Variants in SMYD1 observed in about 807,000 individuals in gnomAD.
SMYD1 encodes histone-lysine N-methyltransferase SMYD1.
SMYD1 carries 49 observed loss-of-function variants against 54.0 expected under a neutral mutation model. The observed-to-expected ratio is 0.91, with a 90% CI of 0.72 to 1.15. The LOEUF is 1.15. Ranked by LOEUF, SMYD1 falls within the 50% of genes most tolerant of loss-of-function variation. SMYD1 has a pLI of 0.00. For missense variants in SMYD1, 653 were observed against 639.6 expected (o/e 1.02, Z -0.23); for synonymous variants, 269 against 234.2 (o/e 1.15, Z -1.36).
chr2:88,096,769 GA>G lies in SMYD1; in HGVS notation c.876del (p.Asp293ThrfsTer10). Reference sequence around the variant, plus strand: ...TGAAGGATGACCTCTTCCTGGGGGTGAAAGACAACCCCAAGGTACACACAGC... The same window carrying G: ...TGAAGGATGACCTCTTCCTGGGGGTGAAGACAACCCCAAGGTACACACAGC... ...KLKDDLFLGV[K>X]DNPKPSQEVV... On this transcript the variant is annotated frameshift_variant, in exon 6 of 10. Transcript: ENST00000419482. LOFTEE classifies it high-confidence loss of function. 6.2e-7 allele frequency: 1 copy of G among 1,613,490 alleles called. No individual in the cohort carries two copies. Among genetic ancestry groups the G allele is most frequent in the South Asian group, 1.1e-5 (1 of 90,956 alleles).
At position 88,093,559 on chromosome 2, in the gene SMYD1, G is replaced by A; in HGVS notation, c.698+4G>A. On this transcript the variant is annotated splice_donor_region_variant and intron_variant, in intron 5 of 9. Coordinates refer to ENST00000419482, the MANE Select transcript of SMYD1 (RefSeq NM_198274.4). ...CCATGTTTCATACCCAGATGAGGTGGGTCAGTCCTTTCAAGCATCCCTGCT... is the reference window on the plus strand; with the variant it reads ...CCATGTTTCATACCCAGATGAGGTGAGTCAGTCCTTTCAAGCATCCCTGCT... 1 of 1,614,016 alleles carries A rather than the reference G, an allele frequency of 6.2e-7. No homozygotes were observed. The highest frequency in any genetic ancestry group is 8.5e-7 in the Non-Finnish European group (1 of 1,180,010).
chr2:88,094,667 TACCATTGAAATAATCAG>T (rs1403791231), intron 5 of SMYD1, among the ~76,000 whole-genome samples: 4 of 152,216 alleles, frequency 2.6e-5, no homozygotes, highest in Non-Finnish European at 5.9e-5. Context: ...AAATTTCTAA[TACCATTGAAATAATCAG>T]ACACCCTGAG....
intron 6 of SMYD1, among the ~76,000 whole-genome samples, chr2:88,101,646 C>A (rs1162646141): frequency 6.6e-6 from 1 of 152,216 alleles, no homozygotes; most frequent in Non-Finnish European, 1.5e-5. Context: ...CACTCTGTCA[C>A]TCAGGCTGTA....
intron 6 of SMYD1, 50 bp downstream of exon 6, chr2:88,096,834 C>T: frequency 6.4e-7 from 1 of 1,563,334 alleles, no homozygotes; most frequent in African/African-American, 1.4e-5. Context: ...TCTCCGGGAG[C>T]CAGTCACAGG....
Position 88,091,101 on chromosome 2 carries a change from T to A in SMYD1, c.618T>A (p.His206Gln), listed in dbSNP as rs1170533933. Residue 206 changes from histidine (H) to glutamine (Q), a missense_variant, in exon 4 of 10, where the codon CAT becomes CAA. Physicochemically the swap from His to Gln is conservative, Grantham distance 24. Transcript: ENST00000419482. ...GIFPNLGLVN[H>Q]DCWPNCTVIF... ...TCCCCAACCTGGGCCTGGTGAACCA[T>A]GACTGTTGGCCCAACTGTACTGTCA... 6.2e-7 allele frequency: 1 copy of A among 1,614,180 alleles called. No individual in the cohort carries two copies. Among genetic ancestry groups the A allele is most frequent in the South Asian group, 1.1e-5 (1 of 91,078 alleles).
At chr2:88,106,577 T>TTGAG in intron 8 of SMYD1, 89 bp downstream of exon 8, 1 of 1,401,610 alleles carries the variant, frequency 7.1e-7, no homozygotes, top group Non-Finnish European at 9.9e-7. Context: ...CTGGTGCCTC[T>TTGAG]CCCTCCTATA....
chr2:88,102,823 G>C (rs1345837268), intron 6 of SMYD1, among the ~76,000 whole-genome samples: 3 of 152,220 alleles, frequency 2.0e-5, no homozygotes, highest in African/African-American at 7.2e-5. Flanking sequence ...AGGCTGGGAT[G>C]ATTGGCTGAC....
At chr2:88,096,022 C>A (rs1302695661) in intron 5 of SMYD1, among the ~76,000 whole-genome samples, 1 of 152,156 alleles carries the variant, frequency 6.6e-6, no homozygotes, top group Non-Finnish European at 1.5e-5. Context: ...CAGAGCCAGC[C>A]TTTGTTTATT....
intron 1 of SMYD1, among the ~76,000 whole-genome samples, chr2:88,072,340 A>G (rs865778736): frequency 6.6e-6 from 1 of 152,096 alleles, no homozygotes; most frequent in Non-Finnish European, 1.5e-5. Flanking sequence ...TAGTAGAGAC[A>G]GGGTTTCACC....
chr2:88,088,832 C>G (rs530452186), intron 3 of SMYD1, among the ~76,000 whole-genome samples: 13 of 152,134 alleles, frequency 8.5e-5, no homozygotes, highest in African/African-American at 3.1e-4. Flanking sequence ...GTGGGAGCAA[C>G]CAAGCCAGAC....
Position 88,110,394 on chromosome 2 carries a change from G to A in SMYD1, c.1355G>A (p.Arg452His), listed in dbSNP as rs370596337. ...VQTEMELRMF[R>H]QNEFMYYKMR... Reference sequence around the variant, plus strand: ...ACGGAGATGGAGCTACGCATGTTCCGCCAGAACGAATTCATGTACTACAAG... The same window carrying A: ...ACGGAGATGGAGCTACGCATGTTCCACCAGAACGAATTCATGTACTACAAG... The change falls in exon 10 of 10, where the codon CGC (arginine) becomes CAC (histidine). Residue 452 changes from arginine (R) to histidine (H), a missense_variant. Physicochemically the swap from Arg to His is conservative, Grantham distance 29. Transcript: ENST00000419482. 12 of 1,612,616 alleles carry A rather than the reference G, an allele frequency of 7.4e-6. 1 individual carries two copies. The highest frequency in any genetic ancestry group is 5.3e-5 in the African/African-American group (4 of 74,910).
At position 88,096,537 on chromosome 2, in the gene SMYD1, C is replaced by T. The variant is rs112330321; in HGVS notation, c.699-58C>T. On this transcript the variant is annotated intron_variant, in intron 5 of 9. Coordinates refer to ENST00000419482, the MANE Select transcript of SMYD1 (RefSeq NM_198274.4). ...CAACTCCATGAAGCCTTGGAGAGCA[C>T]GGATCCCATTCCAGTAGGCCTGGAT... The T allele has an allele frequency of 5.7e-4, 843 of 1,467,648 alleles. 9 individuals are homozygous for T. In the African/African-American group the frequency reaches 1.0e-2, roughly 17 times the overall value. 90.9% of individuals were successfully genotyped at this position (1,467,648 alleles called of 1,614,324 possible).
At chr2:88,085,086 T>C (rs547978059) in intron 2 of SMYD1, among the ~76,000 whole-genome samples, 59 of 151,992 alleles carry the variant, frequency 3.9e-4, no homozygotes, top group Non-Finnish European at 3.4e-4. Flanking sequence ...CACCAATGTT[T>C]AAAAATTGGG....
chr2:88,092,376 A>G (rs1674481993), intron 4 of SMYD1, among the ~76,000 whole-genome samples: 1 of 152,302 alleles, frequency 6.6e-6, no homozygotes, highest in South Asian at 2.1e-4. Context: ...GGGGAAATGT[A>G]GGGGAATGAG....
chr2:88,079,872 T>G lies in SMYD1; in HGVS notation c.138-4444T>G, dbSNP rs1023004817. Among the ~76,000 whole-genome samples, 4 of 152,182 alleles carry G rather than the reference T, an allele frequency of 2.6e-5. No individual in the cohort carries two copies. In the South Asian group the frequency reaches 8.3e-4, roughly 32 times the overall value. On this transcript the variant is annotated intron_variant, in intron 1 of 9. Transcript: ENST00000419482. The stretch of plus-strand genomic sequence containing the variant: ...GTCAATCTGTTTTTTGTTACCACCA[T>G]GTACCAGCAATTCTAAACAACGTCA...
In SMYD1 at chr2:88,090,161, T is replaced by G. The variant is rs531332437; in HGVS notation, c.529-851T>G. The stretch of plus-strand genomic sequence containing the variant: ...GGCTTAACATCATGAACTTACTAAA[T>G]GTCTGATGAGAATAAATGGAGAAAG... On this transcript the variant is annotated intron_variant, in intron 3 of 9. Transcript: ENST00000419482. 3.3e-4 allele frequency among the ~76,000 whole-genome samples: 50 copies of G among 152,310 alleles called. 1 individual carries two copies. The highest frequency in any genetic ancestry group is 6.2e-4 in the Non-Finnish European group (42 of 68,030).
Position 88,110,592 on chromosome 2 carries a change from C to CA in SMYD1, c.*80_*81insA. 3.5e-6 allele frequency: 5 copies of CA among 1,408,922 alleles called. No individual in the cohort carries two copies. Among genetic ancestry groups the CA allele is most frequent in the Non-Finnish European group, 4.7e-6 (5 of 1,068,350 alleles). 87.3% of individuals were successfully genotyped at this position (1,408,922 alleles called of 1,614,324 possible). ...GAGGTGGTGGGTCTCTCGGGAGACC[C>CA]CTAATGAGGAAGTTGAGGTAATGCT... is the stretch of plus-strand genomic sequence containing the variant. On this transcript the variant is annotated 3_prime_UTR_variant, in exon 10 of 10. Coordinates refer to ENST00000419482, the MANE Select transcript of SMYD1 (RefSeq NM_198274.4).
At chr2:88,078,891 C>T (rs11685275) in intron 1 of SMYD1, among the ~76,000 whole-genome samples, 67,558 of 152,162 alleles carry the variant, frequency 0.44, 16,949 homozygotes, top group East Asian at 0.86. Flanking sequence ...AATTTAAGAA[C>T]GATAACTTAA....
At chr2:88,093,690 T>C (rs1038679945) in intron 5 of SMYD1, 135 bp downstream of exon 5, 11 of 950,592 alleles carry the variant, frequency 1.2e-5, no homozygotes, top group Admixed American at 5.7e-5. Context: ...CAGTGTCTCA[T>C]CTTTTTAATG....
Sources: allele counts gnomAD v4.1 joint callset (sites outside exome capture counted in the v4.1 genomes callset), GRCh38; gene constraint gnomAD v4.1.1; transcripts MANE v1.5; gene names NCBI Gene and HGNC (gene_info 2026-07-23, HGNC 2026-07-21).